RCBTB1: variants seen among roughly 807,000 people sequenced by gnomAD.
The protein encoded by RCBTB1 is RCC1 and BTB domain containing protein 1.
A neutral mutation model predicts 62.4 loss-of-function variants in RCBTB1; 46 were observed. The observed-to-expected ratio is 0.74, with a 90% CI of 0.58 to 0.94. The LOEUF is 0.94. Ranked by LOEUF, RCBTB1 falls within the 40% of genes least tolerant of loss-of-function variation. The probability of loss-of-function intolerance (pLI) is 0.00; values close to 1 mark genes in which losing one functional copy is unlikely to be tolerated. For missense variants in RCBTB1, 565 were observed against 654.9 expected, an observed-to-expected ratio of 0.86 and a Z score of 1.50; for synonymous variants, 222 against 245.8, an observed-to-expected ratio of 0.90 and a Z score of 0.91.
intron 9 of RCBTB1, among the ~76,000 whole-genome samples, chr13:49,548,593 G>GTA (rs10589336): frequency 5.3e-5 from 8 of 150,768 alleles, no homozygotes; most frequent in African/African-American, 1.7e-4. Context: ...AAAATATGGT[G>GTA]TATATATATA....
intron 2 of RCBTB1, among the ~76,000 whole-genome samples, chr13:49,577,885 T>A (rs1382165238): frequency 1.3e-5 from 2 of 152,246 alleles, no homozygotes; most frequent in Non-Finnish European, 2.9e-5. Flanking sequence ...AAACTTTGAA[T>A]TAAAGCATTT....
At chr13:49,564,199 C>T (rs1008333701) in intron 4 of RCBTB1, among the ~76,000 whole-genome samples, 2 of 152,124 alleles carry the variant, frequency 1.3e-5, no homozygotes, top group African/African-American at 4.8e-5. Flanking sequence ...TTCAATATGG[C>T]AACTACATGA....
chr13:49,560,194 T>G, intron 4 of RCBTB1, 110 bp from the exon 5 acceptor site: 1 of 1,170,426 alleles, frequency 8.5e-7, no homozygotes, highest in Non-Finnish European at 1.2e-6. Flanking sequence ...TTCTCTCCCA[T>G]TGCCCCCTCC....
chr13:49,584,043 C>A (rs1964256174), intron 1 of RCBTB1, among the ~76,000 whole-genome samples: 1 of 152,150 alleles, frequency 6.6e-6, no homozygotes, highest in African/African-American at 2.4e-5. Flanking sequence ...TCATCTACCC[C>A]ACAATGACTC....
intron 5 of RCBTB1, among the ~76,000 whole-genome samples, chr13:49,556,599 C>A (rs571899015): frequency 6.6e-6 from 1 of 152,194 alleles, no homozygotes. Flanking sequence ...TCTAAGCCCC[C>A]GCTCCCCACC....
At position 49,533,244 on chromosome 13, in the gene RCBTB1, T is replaced by A. The variant is rs1959688856; in HGVS notation, c.*878A>T. Reference sequence around the variant, plus strand: ...GTCATAATTTAGGAAGGCAAGAGTATACTATACATGTCATTATTTTCCTCT... The same window carrying A: ...GTCATAATTTAGGAAGGCAAGAGTAAACTATACATGTCATTATTTTCCTCT... On this transcript the variant is annotated 3_prime_UTR_variant, in exon 13 of 13. Coordinates refer to ENST00000378302, the MANE Select transcript of RCBTB1 (RefSeq NM_018191.4). 1.3e-5 allele frequency: 2 copies of A among 152,328 alleles called. No individual in the cohort carries two copies. Among genetic ancestry groups the A allele is most frequent in the Non-Finnish European group, 2.9e-5 (2 of 68,034 alleles). 9.4% of individuals were successfully genotyped at this position (152,328 alleles called of 1,614,324 possible).
intron 2 of RCBTB1, among the ~76,000 whole-genome samples, chr13:49,567,854 T>C (rs1327728305): frequency 6.6e-6 from 1 of 152,218 alleles, no homozygotes; most frequent in Non-Finnish European, 1.5e-5. Flanking sequence ...TGTCACTGCA[T>C]AGCCAGACTA....
chr13:49,549,628 C>T lies in RCBTB1; in HGVS notation c.875G>A (p.Cys292Tyr), dbSNP rs1334391189. The change falls in exon 9 of 13, where the codon TGT (cysteine) becomes TAT (tyrosine). Residue 292 changes from cysteine to tyrosine, a missense_variant. Physicochemically the swap from Cys to Tyr is radical, Grantham distance 194. Coordinates refer to ENST00000378302, the MANE Select transcript of RCBTB1 (RefSeq NM_018191.4). ...GGCTGCAGACGTGTGGGCAGAGTGA[C>T]AGGCTGCAATCTCTACCACCCTGAA... ...EKERVVEIAA[C>Y]HSAHTSAAKT... 6 of 1,611,820 alleles carry T rather than the reference C, an allele frequency of 3.7e-6. No individual in the cohort carries two copies. The highest frequency in any genetic ancestry group is 5.1e-6 in the Non-Finnish European group (6 of 1,178,696).
intron 11 of RCBTB1, among the ~76,000 whole-genome samples, chr13:49,541,324 A>G (rs1472117358): frequency 6.6e-6 from 1 of 152,154 alleles, no homozygotes; most frequent in Non-Finnish European, 1.5e-5. Context: ...ATAAGCCCAT[A>G]GCTTAATACC....
At chr13:49,583,634 C>T (rs1435043727) in intron 1 of RCBTB1, among the ~76,000 whole-genome samples, 1 of 152,006 alleles carries the variant, frequency 6.6e-6, no homozygotes, top group East Asian at 1.9e-4. Flanking sequence ...GCAACCTCTG[C>T]CTCCCCAGGT....
chr13:49,561,857 C>T (rs1431574041), intron 4 of RCBTB1, among the ~76,000 whole-genome samples: 4 of 151,184 alleles, frequency 2.6e-5, no homozygotes, highest in East Asian at 1.9e-4. Flanking sequence ...TTTGGGAGGC[C>T]GAGGCAAGTG....
chr13:49,585,244 G>GTGC (rs112815634), intron 1 of RCBTB1, among the ~76,000 whole-genome samples, 200 bp downstream of exon 1: 40 of 152,326 alleles, frequency 2.6e-4, no homozygotes, highest in African/African-American at 9.6e-4. Flanking sequence ...ATTAGCTGAG[G>GTGC]TGCTGGCGGG....
At chr13:49,556,210 T>C (rs935870801) in intron 5 of RCBTB1, among the ~76,000 whole-genome samples, 2 of 151,264 alleles carry the variant, frequency 1.3e-5, no homozygotes, top group African/African-American at 4.9e-5. Context: ...TTTTTTTTTT[T>C]TTTTGAGATA....
At chr13:49,561,976 AC>A (rs1962471116) in intron 4 of RCBTB1, among the ~76,000 whole-genome samples, 2 of 151,390 alleles carry the variant, frequency 1.3e-5, no homozygotes, top group South Asian at 4.2e-4. Context: ...GGTAGCGCGC[AC>A]CTGTAATCCC....
At chr13:49,546,820 C>T (rs1346704534) in intron 9 of RCBTB1, 7 of 305,674 alleles carry the variant, frequency 2.3e-5, no homozygotes, top group Non-Finnish European at 3.4e-5. Context: ...GATGAAGCTT[C>T]GCTCACTGCC....
chr13:49,553,158 GCAA>G (rs915025954), intron 6 of RCBTB1, among the ~76,000 whole-genome samples: 7 of 152,098 alleles, frequency 4.6e-5, no homozygotes, highest in Admixed American at 2.6e-4. Flanking sequence ...CTCCAGCCTG[GCAA>G]CAACAACAAC....
chr13:49,541,549 C>T, intron 11 of RCBTB1, 127 bp downstream of exon 11: 1 of 839,526 alleles, frequency 1.2e-6, no homozygotes, highest in Non-Finnish European at 1.8e-6. Flanking sequence ...AAGATACTTA[C>T]TTCAAATCTT....
chr13:49,541,843 A>T lies in RCBTB1; in HGVS notation c.1173-16T>A. The T allele has an allele frequency of 3.1e-6, 5 of 1,590,746 alleles. No individual in the cohort carries two copies. Among genetic ancestry groups the T allele is most frequent in the Non-Finnish European group, 4.3e-6 (5 of 1,172,874 alleles). ...ATGCTCACACCTAAAACAGCAAAGC[A>T]AAAGTCTTATTTGTTCAGCAGCAAT... On this transcript the variant is annotated splice_polypyrimidine_tract_variant and intron_variant, in intron 10 of 12. Coordinates refer to ENST00000378302, the MANE Select transcript of RCBTB1 (RefSeq NM_018191.4).
At position 49,534,073 on chromosome 13, in the gene RCBTB1, C is replaced by G. The variant is rs774384002; in HGVS notation, c.*49G>C. 18 of 1,586,636 alleles carry G rather than the reference C, an allele frequency of 1.1e-5. No individual in the cohort carries two copies. The highest frequency in any genetic ancestry group is 1.4e-5 in the African/African-American group (1 of 73,882). Reference sequence around the variant, plus strand: ...CCCGTAGAGCACAAACTGGACACATCCTCAACAGTGCCCCAGAGCACTCAC... The same window carrying G: ...CCCGTAGAGCACAAACTGGACACATGCTCAACAGTGCCCCAGAGCACTCAC... On this transcript the variant is annotated 3_prime_UTR_variant, in exon 13 of 13. Transcript: ENST00000378302.
Sources: gnomAD v4.1 joint callset for allele counts (sites outside exome capture counted in the v4.1 genomes callset) on GRCh38, gnomAD v4.1.1 for gene constraint, MANE v1.5 for transcripts, NCBI Gene and HGNC (gene_info 2026-07-23, HGNC 2026-07-21) for gene names.